Variants in METTL2A observed in about 807,000 individuals in gnomAD.
The protein encoded by METTL2A is methyltransferase 2A, tRNA N3-cytidine.
A neutral mutation model predicts 49.4 loss-of-function variants in METTL2A; 45 were observed. That is an observed-to-expected ratio of 0.91 (90% CI 0.72 to 1.17). METTL2A has a LOEUF of 1.17. METTL2A is among the 50% of genes most tolerant of loss of function. The pLI, the probability that METTL2A is intolerant of heterozygous loss-of-function variation, is 0.00. For missense variants in METTL2A, 361 were observed against 462.2 expected, an observed-to-expected ratio of 0.78 and a Z score of 2.01; for synonymous variants, 118 against 167.5, an observed-to-expected ratio of 0.70 and a Z score of 2.28.
chr17:62,444,677 A>G (rs2070757356), intron 6 of METTL2A, among the ~76,000 whole-genome samples, 160 bp from the exon 7 acceptor site: 1 of 152,186 alleles, frequency 6.6e-6, no homozygotes, highest in Non-Finnish European at 1.5e-5. Flanking sequence ...CAGGCAGCTA[A>G]TGTCCTTCAG....
At position 62,450,808 on chromosome 17, in the gene METTL2A, G is replaced by A. The variant is rs1351289501; in HGVS notation, c.*2079G>A. ...TTGCACTCCAGCCTGGGTGACAAGA[G>A]CGAAACTGCATCTCAGAAACAAAGA... On this transcript the variant is annotated 3_prime_UTR_variant, in exon 9 of 9. Transcript: ENST00000311506. The A allele has an allele frequency of 1.3e-5, 2 of 152,172 alleles. No homozygotes were observed. Among genetic ancestry groups the A allele is most frequent in the African/African-American group, 4.8e-5 (2 of 41,438 alleles). The allele number at this position is 152,172 out of a possible 1,614,324, so 9.4% of individuals were successfully genotyped here.
At position 62,426,373 on chromosome 17, in the gene METTL2A, A is replaced by G; in HGVS notation, c.277A>G (p.Arg93Gly). The G allele has an allele frequency of 1.2e-6, 2 of 1,613,978 alleles. No homozygotes were observed. The highest frequency in any genetic ancestry group is 1.7e-6 in the Non-Finnish European group (2 of 1,179,896). Reference protein sequence around the residue: ...KIHENGFFKDRHWLFTEFPEL... With the variant: ...KIHENGFFKDGHWLFTEFPEL... ...CCACGAAAATGGGTTTTTCAAGGAT[A>G]GACATTGGCTTTTTACCGAATTCCC... Residue 93 changes from arginine to glycine, a missense_variant, in exon 3 of 9, where the codon AGA (arginine) becomes GGA (glycine). Around this residue, in one of 3 missense-constraint regions of METTL2A, gnomAD observed 150 missense variants for 170.1 expected, o/e 0.88. Coordinates refer to ENST00000311506, the MANE Select transcript of METTL2A (RefSeq NM_181725.4).
rs78263739 is a variant in METTL2A, at chr17:62,437,699, G to T, written c.669+2407G>T. 5.4e-4 allele frequency among the ~76,000 whole-genome samples: 82 copies of T among 152,070 alleles called. 1 individual carries two copies. The highest frequency in any genetic ancestry group is 1.8e-3 in the African/African-American group (76 of 41,458). On this transcript the variant is annotated intron_variant, in intron 5 of 8. Transcript: ENST00000311506. ...TTAAAATGTATCTGTTATGGCTGGG[G>T]TCAGTGGCTCACACCTGTCATCCCA...
In METTL2A at chr17:62,450,917, T is replaced by G. The variant is rs2070802274; in HGVS notation, c.*2188T>G. ...GAATACTGCAAGAATAGTCCATTTT[T>G]TTCTGATGTCCCAACATCACCAAAT... On this transcript the variant is annotated 3_prime_UTR_variant, in exon 9 of 9. Transcript: ENST00000311506. The G allele has an allele frequency of 6.6e-6, 1 of 152,212 alleles. No individual in the cohort carries two copies. The highest frequency in any genetic ancestry group is 6.5e-5 in the Admixed American group (1 of 15,272). The allele number at this position is 152,212 out of a possible 1,614,324, so 9.4% of individuals were successfully genotyped here.
rs575261540 is a variant in METTL2A at position 62,443,865 on chromosome 17, T to G, written c.810-972T>G. Among the ~76,000 whole-genome samples the G allele has an allele frequency of 1.7e-3, 263 of 152,060 alleles. 1 individual carries two copies. Among genetic ancestry groups the G allele is most frequent in the African/African-American group, 5.7e-3 (237 of 41,442 alleles). On this transcript the variant is annotated intron_variant, in intron 6 of 8. Transcript: ENST00000311506. ...CCTTGGCCGTTTTTTTGTTTTTTGG[T>G]TTTTTTTAAGAGGGAAACATTCATT... is the stretch of plus-strand genomic sequence containing the variant.
At chr17:62,440,901 G>A in intron 6 of METTL2A, 145 bp downstream of exon 6, 2 of 1,137,538 alleles carry the variant, frequency 1.8e-6, no homozygotes. Flanking sequence ...AACCTCTTGG[G>A]CTTAAATGAT....
chr17:62,444,324 G>C (rs1033318331), intron 6 of METTL2A, among the ~76,000 whole-genome samples: 33 of 152,220 alleles, frequency 2.2e-4, no homozygotes, highest in African/African-American at 7.7e-4. Flanking sequence ...CTGCGGCCCA[G>C]GCCGGAGGGC....
At chr17:62,441,249 G>C (rs2070737115) in intron 6 of METTL2A, among the ~76,000 whole-genome samples, 3 of 152,184 alleles carry the variant, frequency 2.0e-5, no homozygotes, top group African/African-American at 7.2e-5. Context: ...TCCAACTTCT[G>C]TTCTGGCCTC....
chr17:62,444,749 T>C, intron 6 of METTL2A, 88 bp from the exon 7 acceptor site: 1 of 1,299,438 alleles, frequency 7.7e-7, no homozygotes, highest in Non-Finnish European at 1.1e-6. Flanking sequence ...GTTGAGGAAG[T>C]CCACTGGCTT....
At chr17:62,444,089 T>G (rs547977818) in intron 6 of METTL2A, among the ~76,000 whole-genome samples, 12 of 152,152 alleles carry the variant, frequency 7.9e-5, no homozygotes, top group Non-Finnish European at 1.6e-4. Context: ...GGACAAGTCT[T>G]CATTTAACAA....
At chr17:62,432,018 C>T (rs1246078597) in intron 4 of METTL2A, among the ~76,000 whole-genome samples, 4 of 151,838 alleles carry the variant, frequency 2.6e-5, no homozygotes, top group African/African-American at 4.8e-5. Context: ...CGCACCTGGC[C>T]GTAATACAGT....
intron 2 of METTL2A, among the ~76,000 whole-genome samples, chr17:62,425,862 G>A (rs1001701279): frequency 4.6e-5 from 7 of 151,500 alleles, no homozygotes; most frequent in Non-Finnish European, 7.4e-5. Context: ...TTAGCCGGGC[G>A]TGGTGGCAGG....
chr17:62,439,722 G>A (rs1343321420), intron 5 of METTL2A, among the ~76,000 whole-genome samples: 15 of 151,988 alleles, frequency 9.9e-5, no homozygotes, highest in Admixed American at 8.5e-4. Context: ...GTGAACCACC[G>A]CGTGCTTATT....
At chr17:62,444,706 T>G in intron 6 of METTL2A, 131 bp from the exon 7 acceptor site, 1 of 804,658 alleles carries the variant, frequency 1.2e-6, no homozygotes, top group Non-Finnish European at 2.0e-6. Flanking sequence ...GAAGCAAGAG[T>G]AGAGGAGCTT....
chr17:62,428,114 ATTATCT>A (rs570240186), intron 4 of METTL2A, among the ~76,000 whole-genome samples: 221 of 152,244 alleles, frequency 1.5e-3, no homozygotes, highest in Non-Finnish European at 2.5e-3. Flanking sequence ...TTTTAATTTG[ATTATCT>A]TTGTCATTTG....
intron 2 of METTL2A, 146 bp from the exon 3 acceptor site, chr17:62,426,153 G>A: frequency 7.0e-6 from 5 of 715,354 alleles, no homozygotes; most frequent in Non-Finnish European, 9.3e-6. Context: ...AATGACCTCA[G>A]AAATGCCTTC....
In METTL2A at chr17:62,440,677, G is replaced by T. The variant is rs767438969; in HGVS notation, c.730G>T (p.Glu244Ter). ...FAFVHDLCDE[E>*]KSYPVPKGSL... ...CTTTGTTCACGACCTGTGTGATGAA[G>T]AGAAGAGTTACCCAGTGCCCAAGGG... Residue 244 changes from glutamate (E) to a stop codon, truncating the protein, a stop_gained, in exon 6 of 9, where the codon GAG (glutamate) becomes TAG (stop). Coordinates refer to ENST00000311506, the MANE Select transcript of METTL2A (RefSeq NM_181725.4). LOFTEE classifies it high-confidence loss of function. 6 of 1,614,056 alleles carry T rather than the reference G, an allele frequency of 3.7e-6. No homozygotes were observed. In the South Asian group the frequency reaches 6.6e-5, roughly 18 times the overall value.
In METTL2A at chr17:62,446,565, A is replaced by G. The variant is rs2070770319; in HGVS notation, c.917-1136A>G. Among the ~76,000 whole-genome samples, 3 of 151,558 alleles carry G rather than the reference A, an allele frequency of 2.0e-5. No individual in the cohort carries two copies. In the South Asian group the frequency reaches 6.2e-4, roughly 32 times the overall value. Reference sequence around the variant, plus strand: ...TGACCTTAGGTGATCCACCCACCTCAGCCTCCCAAAGTCCTGGGATTACAG... The same window carrying G: ...TGACCTTAGGTGATCCACCCACCTCGGCCTCCCAAAGTCCTGGGATTACAG... On this transcript the variant is annotated intron_variant, in intron 7 of 8. Coordinates refer to ENST00000311506, the MANE Select transcript of METTL2A (RefSeq NM_181725.4).
In METTL2A at chr17:62,448,594, C is replaced by T. The variant is rs781567838; in HGVS notation, c.1002C>T (p.Phe334=). 2.5e-6 allele frequency: 4 copies of T among 1,614,106 alleles called. No individual in the cohort carries two copies. In the South Asian group the frequency reaches 3.3e-5, roughly 13 times the overall value. Residue 334 remains phenylalanine, a synonymous_variant, in exon 9 of 9, where the codon TTC becomes TTT. Transcript: ENST00000311506. ...FFTQEELDTL[F]TTAGLEKVQN... ...CACTAGAGGAACTGGACACGCTTTT[C>T]ACCACTGCTGGACTGGAAAAAGTTC...
Sources: gnomAD v4.1 joint callset for allele counts (sites outside exome capture counted in the v4.1 genomes callset) on GRCh38, gnomAD v4.1.1 for gene constraint, gnomAD v4.1.1 regional missense constraint, MANE v1.5 for transcripts, NCBI Gene and HGNC (gene_info 2026-07-23, HGNC 2026-07-21) for gene names.